Variants in LRRTM4 observed in about 807,000 individuals in gnomAD.
The protein encoded by LRRTM4 is leucine-rich repeat transmembrane neuronal protein 4.
In LRRTM4, 25 loss-of-function variants were observed where a neutral mutation model predicts 47.6. That is an observed-to-expected ratio of 0.53 (90% CI 0.38 to 0.73). The LOEUF (loss-of-function observed/expected upper bound fraction) is 0.73, where lower values mean the gene tolerates loss of function less well. Ranked by LOEUF, LRRTM4 falls within the 30% of genes least tolerant of loss-of-function variation. The pLI, the probability that LRRTM4 is intolerant of heterozygous loss-of-function variation, is 0.00. For missense variants in LRRTM4, 638 were observed against 713.4 expected (o/e 0.89, Z 1.20); for synonymous variants, 311 against 269.5 (o/e 1.15, Z -1.51).
intron 3 of LRRTM4, among the ~76,000 whole-genome samples, chr2:77,226,319 A>T (rs1473320381): frequency 6.6e-6 from 1 of 151,634 alleles, no homozygotes; most frequent in African/African-American, 2.4e-5. Flanking sequence ...CACAAAGCAA[A>T]AGTAAAAATT....
At chr2:76,895,891 T>TA (rs1390690074) in intron 3 of LRRTM4, among the ~76,000 whole-genome samples, 1 of 152,020 alleles carries the variant, frequency 6.6e-6, no homozygotes, top group Non-Finnish European at 1.5e-5. Flanking sequence ...CTCTTTTCAA[T>TA]AACATATGGG....
In LRRTM4 at chr2:76,880,413, T is replaced by A. The variant is rs149839140; in HGVS notation, c.1552-131497A>T. 4.2e-3 allele frequency among the ~76,000 whole-genome samples: 643 copies of A among 152,334 alleles called. 7 individuals carry two copies. Among genetic ancestry groups the A allele is most frequent in the African/African-American group, 0.015 (609 of 41,586 alleles). ...GGCTCAGATTATCCTTAGAAATTTTTAGCTGTAAAATATTTTTATTTAAGA... is the reference window on the plus strand; with the variant it reads ...GGCTCAGATTATCCTTAGAAATTTTAAGCTGTAAAATATTTTTATTTAAGA... On this transcript the variant is annotated intron_variant, in intron 3 of 3. Coordinates refer to ENST00000409884, the MANE Select transcript of LRRTM4 (RefSeq NM_001134745.3).
At chr2:77,343,096 C>A (rs967423957) in intron 3 of LRRTM4, among the ~76,000 whole-genome samples, 1 of 151,924 alleles carries the variant, frequency 6.6e-6, no homozygotes. Flanking sequence ...TCATTGAAGC[C>A]ACTTCCCCCA....
rs544793339 is a variant in LRRTM4 at position 77,419,153 on chromosome 2, C to T, written c.1551+99165G>A. ...CACATAAATACATTATTTTTGTCTG[C>T]CCTGTCAGTGGATTTATCTATTTAT... On this transcript the variant is annotated intron_variant, in intron 3 of 3. Coordinates refer to ENST00000409884, the MANE Select transcript of LRRTM4 (RefSeq NM_001134745.3). 2.6e-5 allele frequency among the ~76,000 whole-genome samples: 4 copies of T among 152,180 alleles called. No individual in the cohort carries two copies. In the East Asian group the frequency reaches 7.7e-4, roughly 29 times the overall value.
intron 3 of LRRTM4, among the ~76,000 whole-genome samples, chr2:77,025,807 T>C (rs1044831835): frequency 3.9e-5 from 6 of 152,198 alleles, no homozygotes; most frequent in Non-Finnish European, 7.4e-5. Flanking sequence ...TTTTTTATCC[T>C]TTTATTCCTC....
chr2:77,432,558 C>T (rs999038854), intron 3 of LRRTM4, among the ~76,000 whole-genome samples: 7 of 152,128 alleles, frequency 4.6e-5, no homozygotes, highest in East Asian at 1.9e-4. Context: ...AGCCAGTCAT[C>T]GACATATGGG....
At chr2:76,992,343 A>G (rs1013796005) in intron 3 of LRRTM4, among the ~76,000 whole-genome samples, 1 of 151,726 alleles carries the variant, frequency 6.6e-6, no homozygotes, top group African/African-American at 2.4e-5. Flanking sequence ...CAATCAAACT[A>G]TCTGTTTTGC....
chr2:77,136,827 A>G (rs1039868955), intron 3 of LRRTM4, among the ~76,000 whole-genome samples: 33 of 151,986 alleles, frequency 2.2e-4, no homozygotes, highest in African/African-American at 8.0e-4. Flanking sequence ...TATGTGATGA[A>G]TGCACAAGCT....
chr2:76,968,340 G>GTGTATA (rs1313372499), intron 3 of LRRTM4, among the ~76,000 whole-genome samples: 3 of 76,644 alleles, frequency 3.9e-5, no homozygotes, highest in Non-Finnish European at 5.3e-5. Flanking sequence ...GTGTATGTGT[G>GTGTATA]TATATATATA....
chr2:76,792,422 T>C (rs1675025626), intron 3 of LRRTM4, among the ~76,000 whole-genome samples: 1 of 152,160 alleles, frequency 6.6e-6, no homozygotes, highest in African/African-American at 2.4e-5. Flanking sequence ...GACACATCTT[T>C]CATGCAAAAC....
chr2:77,195,201 G>A (rs911402561), intron 3 of LRRTM4, among the ~76,000 whole-genome samples: 1 of 151,676 alleles, frequency 6.6e-6, no homozygotes, highest in Non-Finnish European at 1.5e-5. Context: ...TGATTGGTGA[G>A]GGGAATTAAA....
Position 77,395,860 on chromosome 2 carries a change from C to T in LRRTM4, c.1551+122458G>A, listed in dbSNP as rs1673681070. ...TTCACTAATATTCATTTCAGTATTA[C>T]ATCAGCTACTCTCCTTTGATTTTCA... On this transcript the variant is annotated intron_variant, in intron 3 of 3. Coordinates refer to ENST00000409884, the MANE Select transcript of LRRTM4 (RefSeq NM_001134745.3). 3.9e-5 allele frequency among the ~76,000 whole-genome samples: 6 copies of T among 151,934 alleles called. No individual in the cohort carries two copies. In the South Asian group the frequency reaches 1.2e-3, roughly 31 times the overall value.
At chr2:77,315,681 T>C (rs1677598407) in intron 3 of LRRTM4, among the ~76,000 whole-genome samples, 1 of 152,156 alleles carries the variant, frequency 6.6e-6, no homozygotes. Context: ...GTAAGAGCAA[T>C]ATAATTGTAC....
intron 3 of LRRTM4, among the ~76,000 whole-genome samples, chr2:77,156,012 ACAATTTAAATGTGT>A (rs1379680007): frequency 6.6e-6 from 1 of 152,178 alleles, no homozygotes; most frequent in South Asian, 2.1e-4. Context: ...ATAAATATGT[ACAATTTAAATGTGT>A]CAATTTAATT....
intron 3 of LRRTM4, among the ~76,000 whole-genome samples, chr2:77,267,564 ACTCT>A (rs1347693242): frequency 6.6e-6 from 1 of 152,080 alleles, no homozygotes; most frequent in Non-Finnish European, 1.5e-5. Flanking sequence ...ATTAGGCCTC[ACTCT>A]CTCAAAACTA....
chr2:77,098,358 G>T (rs76632890), intron 3 of LRRTM4, among the ~76,000 whole-genome samples: 2,856 of 152,010 alleles, frequency 0.019, 37 homozygotes, highest in Non-Finnish European at 0.031. Flanking sequence ...AGATAAACAG[G>T]TATGAGGCCT....
At chr2:77,312,700 A>C (rs1321772255) in intron 3 of LRRTM4, among the ~76,000 whole-genome samples, 1 of 152,174 alleles carries the variant, frequency 6.6e-6, no homozygotes, top group Non-Finnish European at 1.5e-5. Flanking sequence ...TCTTTCCTAA[A>C]ATCTTTTCTA....
intron 3 of LRRTM4, among the ~76,000 whole-genome samples, chr2:76,879,922 A>T (rs139995661): frequency 6.6e-6 from 1 of 152,240 alleles, no homozygotes; most frequent in Non-Finnish European, 1.5e-5. Flanking sequence ...AATGTGGTGG[A>T]AACAGCGTAA....
At chr2:77,462,506 C>T (rs1392730939) in intron 3 of LRRTM4, among the ~76,000 whole-genome samples, 1 of 151,946 alleles carries the variant, frequency 6.6e-6, no homozygotes, top group African/African-American at 2.4e-5. Context: ...TCACTCCTGG[C>T]TATCACCAAT....
Sources: gnomAD v4.1 joint callset for allele counts (sites outside exome capture counted in the v4.1 genomes callset) on GRCh38, gnomAD v4.1.1 for gene constraint, MANE v1.5 for transcripts, NCBI Gene and HGNC (gene_info 2026-07-23, HGNC 2026-07-21) for gene names.